The following UBR3 variants were observed in gnomAD, a reference collection of about 807,000 sequenced individuals.
UBR3 encodes E3 ubiquitin-protein ligase UBR3.
Under a neutral mutation model 243.2 loss-of-function variants are expected in UBR3, and 85 were observed. That is an observed-to-expected ratio of 0.35 (90% confidence interval 0.29 to 0.42). The LOEUF (loss-of-function observed/expected upper bound fraction) is 0.42. Among genes scored for constraint, UBR3 ranks in the 10% least tolerant of loss-of-function variants. The probability of loss-of-function intolerance (pLI) is 1.00; values close to 1 mark genes in which losing one functional copy is unlikely to be tolerated. For missense variants in UBR3, 1,686 were observed against 2,300.8 expected (o/e 0.73, Z 5.47); for synonymous variants, 748 against 799.8 (o/e 0.94, Z 1.09).
At chr2:169,906,816 T>C (rs1343404001) in intron 10 of UBR3, among the ~76,000 whole-genome samples, 2 of 152,160 alleles carry the variant, frequency 1.3e-5, no homozygotes, top group African/African-American at 4.8e-5. Flanking sequence ...TTTAAAAATA[T>C]TTGAATTTCT....
At position 169,927,116 on chromosome 2, in the gene UBR3, T is replaced by G. The variant is rs567389512; in HGVS notation, c.2338+145T>G. On this transcript the variant is annotated intron_variant, in intron 16 of 38. Transcript: ENST00000272793. ...TTCAAACTCTTGATATGTTGTACTG[T>G]AGGTATACCTTTTAGAATATCCTTT... 62 of 1,124,586 alleles carry G rather than the reference T, an allele frequency of 5.5e-5. No individual in the cohort carries two copies. The African/African-American group carries it at 7.1e-4, about 13-fold the overall frequency. 69.7% of individuals were successfully genotyped at this position (1,124,586 alleles called of 1,614,324 possible).
At chr2:169,858,805 G>T (rs1453492295) in intron 1 of UBR3, among the ~76,000 whole-genome samples, 1 of 151,868 alleles carries the variant, frequency 6.6e-6, no homozygotes, top group Non-Finnish European at 1.5e-5. Context: ...TCACCATGTT[G>T]GCCAGGCTGG....
intron 24 of UBR3, among the ~76,000 whole-genome samples, chr2:169,975,559 G>A (rs765153975): frequency 1.3e-5 from 2 of 152,152 alleles, no homozygotes; most frequent in South Asian, 4.1e-4. Flanking sequence ...TGTTGCCAAC[G>A]ATTATTGTAT....
At chr2:169,976,291 G>A (rs1338565558) in intron 24 of UBR3, among the ~76,000 whole-genome samples, 1 of 151,292 alleles carries the variant, frequency 6.6e-6, no homozygotes, top group East Asian at 1.9e-4. Flanking sequence ...GTGATTTTCT[G>A]TAGTGATAAT....
intron 25 of UBR3, among the ~76,000 whole-genome samples, chr2:169,993,779 C>T (rs558098127): frequency 2.6e-4 from 39 of 152,266 alleles, no homozygotes; most frequent in Admixed American, 2.4e-3. Context: ...GGTCAGTGAA[C>T]GTATTGTATT....
At chr2:169,969,351 A>G (rs1304774650) in intron 24 of UBR3, among the ~76,000 whole-genome samples, 1 of 152,008 alleles carries the variant, frequency 6.6e-6, no homozygotes, top group Non-Finnish European at 1.5e-5. Flanking sequence ...ATCCATTTGG[A>G]TTTGATTTTT....
intron 6 of UBR3, among the ~76,000 whole-genome samples, chr2:169,891,677 C>T (rs1316951060): frequency 6.6e-6 from 1 of 151,540 alleles, no homozygotes; most frequent in Non-Finnish European, 1.5e-5. Context: ...GTCATAAAGG[C>T]TCAGTAGGGA....
At chr2:169,852,757 C>T (rs541730754) in intron 1 of UBR3, among the ~76,000 whole-genome samples, 25 of 142,334 alleles carry the variant, frequency 1.8e-4, no homozygotes, top group African/African-American at 4.7e-4. Context: ...AGGCTGAGGC[C>T]GGAGAATGGC....
intron 24 of UBR3, among the ~76,000 whole-genome samples, chr2:169,967,273 C>G (rs113256554): frequency 1.7e-4 from 25 of 146,226 alleles, no homozygotes; most frequent in Non-Finnish European, 3.0e-4. Context: ...CCGCCCCCCC[C>G]CACACACAGT....
chr2:170,049,701 C>T (rs1162176390), intron 32 of UBR3, among the ~76,000 whole-genome samples: 1 of 152,154 alleles, frequency 6.6e-6, no homozygotes, highest in Non-Finnish European at 1.5e-5. Context: ...TATTGGATAT[C>T]CTTTTTCTCA....
intron 19 of UBR3, among the ~76,000 whole-genome samples, chr2:169,935,796 A>C (rs2086304772): frequency 6.6e-6 from 1 of 152,202 alleles, no homozygotes; most frequent in African/African-American, 2.4e-5. Context: ...TTTTGAAAAG[A>C]GCAGTCAAAA....
At chr2:170,062,326 G>T (rs2105447810) in intron 35 of UBR3, among the ~76,000 whole-genome samples, 1 of 152,288 alleles carries the variant, frequency 6.6e-6, no homozygotes, top group East Asian at 1.9e-4. Context: ...ATTTGATGTG[G>T]AAATTAAACA....
intron 30 of UBR3, among the ~76,000 whole-genome samples, chr2:170,017,297 T>C (rs944679430): frequency 6.6e-6 from 1 of 152,072 alleles, no homozygotes; most frequent in African/African-American, 2.4e-5. Context: ...TTTTTGAACA[T>C]CTAATTTTTA....
chr2:169,975,958 CTT>C (rs1236052555), intron 24 of UBR3, among the ~76,000 whole-genome samples: 5 of 150,932 alleles, frequency 3.3e-5, no homozygotes, highest in Non-Finnish European at 5.9e-5. Flanking sequence ...ATTTTTTTCT[CTT>C]TTTACAGTTT....
intron 1 of UBR3, among the ~76,000 whole-genome samples, chr2:169,871,393 A>G (rs1477370641): frequency 6.6e-6 from 1 of 151,542 alleles, no homozygotes; most frequent in African/African-American, 2.4e-5. Flanking sequence ...GTGAGTGACA[A>G]AGCGAGACCC....
intron 26 of UBR3, among the ~76,000 whole-genome samples, chr2:169,998,565 A>T (rs187844500): frequency 7.9e-5 from 12 of 152,294 alleles, no homozygotes; most frequent in Admixed American, 7.2e-4. Flanking sequence ...TGTGTTGTAG[A>T]TGCTTACTGG....
At chr2:169,923,078 G>A (rs1399492987) in intron 11 of UBR3, among the ~76,000 whole-genome samples, 1 of 152,168 alleles carries the variant, frequency 6.6e-6, no homozygotes, top group Non-Finnish European at 1.5e-5. Flanking sequence ...GACAGCTGTG[G>A]TGTATTTTTG....
intron 26 of UBR3, among the ~76,000 whole-genome samples, chr2:169,995,494 A>G (rs1037427704): frequency 1.3e-5 from 2 of 152,234 alleles, no homozygotes; most frequent in African/African-American, 4.8e-5. Context: ...TCTTGTTTAT[A>G]TCAATTAACC....
At position 169,875,797 on chromosome 2, in the gene UBR3, A is replaced by T; in HGVS notation, c.692A>T (p.Asp231Val). ...LREGYNEPAADGPSEKDLNKV... is the reference protein window; with the variant it reads ...LREGYNEPAAVGPSEKDLNKV... ...TTTTCTTTTTTTCTTTTAGCAGCTG[A>T]TGGACCATCAGAAAAGGACCTTAAC... Residue 231 changes from aspartate to valine, a missense_variant, in exon 3 of 39, where the codon GAT (aspartate) becomes GTT (valine). Physicochemically the swap from Asp to Val is radical, Grantham distance 152. Coordinates refer to ENST00000272793, the MANE Select transcript of UBR3 (RefSeq NM_172070.4). 1 of 1,521,936 alleles carries T rather than the reference A, an allele frequency of 6.6e-7. No homozygotes were observed. The allele number at this position is 1,521,936 out of a possible 1,614,324, so 94.3% of individuals were successfully genotyped here.
Sources: allele counts gnomAD v4.1 joint callset (sites outside exome capture counted in the v4.1 genomes callset), GRCh38; gene constraint gnomAD v4.1.1; transcripts MANE v1.5; gene names NCBI Gene and HGNC (gene_info 2026-07-23, HGNC 2026-07-21).